DOCK2: variants seen among roughly 807,000 people sequenced by gnomAD.
DOCK2 encodes the protein dedicator of cytokinesis protein 2.
Under a neutral mutation model 248.9 loss-of-function variants are expected in DOCK2, and 87 were observed. The ratio of observed to expected loss-of-function variants is 0.35; its 90% CI spans 0.29 to 0.42. The LOEUF is 0.42. Ranked by LOEUF, DOCK2 falls within the 10% of genes least tolerant of loss-of-function variation. DOCK2 has a pLI of 1.00. For missense variants in DOCK2, 1,747 were observed against 2,300.2 expected (o/e 0.76, Z 4.92); for synonymous variants, 805 against 821.6 (o/e 0.98, Z 0.35).
chr5:169,793,665 G>A (rs974610845), intron 25 of DOCK2, among the ~76,000 whole-genome samples: 1 of 152,084 alleles, frequency 6.6e-6, no homozygotes, highest in Non-Finnish European at 1.5e-5. Context: ...AATGAAAAGT[G>A]TTTATCACTA....
chr5:169,747,409 A>G lies in DOCK2; in HGVS notation c.2281A>G (p.Lys761Glu). 2 of 1,612,990 alleles carry G rather than the reference A, an allele frequency of 1.2e-6. No individual in the cohort carries two copies. Among genetic ancestry groups the G allele is most frequent in the Non-Finnish European group, 8.5e-7 (1 of 1,179,558 alleles). The stretch of plus-strand genomic sequence containing the variant: ...ATCTTGTTTCAGGCTTTATGAAGGC[A>G]AAGAACAGATGGAGTTTGAAGAATC... ...RTLFSQLYEG[K>E]EQMEFEESMR... The change falls in exon 23 of 52, where the codon AAA becomes GAA. Residue 761 changes from lysine (K) to glutamate (E), a missense_variant. Around this residue, in one of 4 missense-constraint regions of DOCK2, gnomAD observed 858 missense variants for 1,183.5 expected, o/e 0.72. Transcript: ENST00000520908.
At chr5:170,054,662 A>G (rs1757050876) in intron 41 of DOCK2, among the ~76,000 whole-genome samples, 2 of 152,228 alleles carry the variant, frequency 1.3e-5, no homozygotes, top group African/African-American at 4.8e-5. Context: ...AAATTTTAGC[A>G]TGCATATGTT....
At chr5:169,859,762 C>T (rs543587871) in intron 27 of DOCK2, among the ~76,000 whole-genome samples, 23 of 152,278 alleles carry the variant, frequency 1.5e-4, no homozygotes, top group African/African-American at 5.5e-4. Flanking sequence ...ATTTAGCCTT[C>T]CTTAATTGAC....
At chr5:169,793,038 G>A (rs559909108) in intron 25 of DOCK2, among the ~76,000 whole-genome samples, 12 of 152,294 alleles carry the variant, frequency 7.9e-5, no homozygotes, top group South Asian at 4.1e-4. Flanking sequence ...TTCAGAAGGC[G>A]TGATGATAGG....
At chr5:169,850,720 C>A (rs1298007458) in intron 27 of DOCK2, among the ~76,000 whole-genome samples, 1 of 152,118 alleles carries the variant, frequency 6.6e-6, no homozygotes, top group Middle Eastern at 3.2e-3. Flanking sequence ...TCAGGGCATA[C>A]TAGGCCTAAA....
intron 1 of DOCK2, among the ~76,000 whole-genome samples, chr5:169,641,679 T>C (rs1289806358): frequency 6.6e-6 from 1 of 152,156 alleles, no homozygotes; most frequent in African/African-American, 2.4e-5. Flanking sequence ...GCCTCTCCTC[T>C]CATGGCTTCT....
At chr5:169,913,191 G>A (rs1354656703) in intron 27 of DOCK2, among the ~76,000 whole-genome samples, 1 of 152,162 alleles carries the variant, frequency 6.6e-6, no homozygotes, top group Non-Finnish European at 1.5e-5. Context: ...TAGCGGAGTC[G>A]GAATGTGCTA....
intron 27 of DOCK2, among the ~76,000 whole-genome samples, chr5:169,949,391 G>T (rs1440510125): frequency 6.6e-6 from 1 of 152,140 alleles, no homozygotes; most frequent in Non-Finnish European, 1.5e-5. Context: ...ATGTTCCTGG[G>T]GCTGCCTGAA....
chr5:169,836,794 G>A (rs1360555707), intron 26 of DOCK2, among the ~76,000 whole-genome samples: 1 of 151,744 alleles, frequency 6.6e-6, no homozygotes, highest in African/African-American at 2.4e-5. Context: ...TCACCAAAAC[G>A]AGATTTCTCT....
rs58506041 is a variant in DOCK2, at chr5:169,687,521, G to A, written c.762-1731G>A. Among the ~76,000 whole-genome samples the A allele has an allele frequency of 2.2e-3, 329 of 148,596 alleles. 3 individuals are homozygous for A. Among genetic ancestry groups the A allele is most frequent in the East Asian group, 0.021 (108 of 5,136 alleles). ...AGTCCCTTTAATTTTGCTGAATCCC[G>A]TTATGCCTTCTTAGGCTAACTTGAT... On this transcript the variant is annotated intron_variant, in intron 8 of 51. Coordinates refer to ENST00000520908, the MANE Select transcript of DOCK2 (RefSeq NM_004946.3).
chr5:170,025,388 T>C (rs892569481), intron 33 of DOCK2, among the ~76,000 whole-genome samples: 2 of 152,244 alleles, frequency 1.3e-5, no homozygotes, highest in Non-Finnish European at 2.9e-5. Flanking sequence ...ACAGAGACCA[T>C]CTGGCCTCCA....
chr5:169,672,964 C>A (rs2113301028), intron 5 of DOCK2, among the ~76,000 whole-genome samples: 1 of 152,338 alleles, frequency 6.6e-6, no homozygotes, highest in East Asian at 1.9e-4. Context: ...CGGCACACCA[C>A]CCTCCCAGCA....
intron 22 of DOCK2, among the ~76,000 whole-genome samples, chr5:169,745,458 C>T (rs60205217): frequency 0.018 from 2,782 of 152,292 alleles, 86 homozygotes; most frequent in African/African-American, 0.064. Flanking sequence ...TCGCAATCCT[C>T]TGACACAGTA....
chr5:170,050,808 C>T (rs1756887016), intron 41 of DOCK2, among the ~76,000 whole-genome samples: 1 of 152,134 alleles, frequency 6.6e-6, no homozygotes, highest in Non-Finnish European at 1.5e-5. Context: ...TATCTCAATA[C>T]ATTGTAAATG....
At chr5:169,783,633 C>T (rs1765827149) in intron 25 of DOCK2, among the ~76,000 whole-genome samples, 1 of 151,836 alleles carries the variant, frequency 6.6e-6, no homozygotes, top group Non-Finnish European at 1.5e-5. Context: ...CACTGTAGAG[C>T]ATTAAAAATA....
chr5:169,805,847 G>A (rs747936830), intron 26 of DOCK2, among the ~76,000 whole-genome samples: 3 of 152,214 alleles, frequency 2.0e-5, no homozygotes, highest in African/African-American at 7.2e-5. Flanking sequence ...TGGGAGGTGC[G>A]TGTCACTCTT....
intron 27 of DOCK2, among the ~76,000 whole-genome samples, chr5:169,918,377 CAT>C (rs1004260895): frequency 2.6e-5 from 4 of 152,164 alleles, no homozygotes; most frequent in Admixed American, 6.5e-5. Flanking sequence ...TACTCACACA[CAT>C]GTACAAGGAG....
chr5:169,712,332 A>G (rs1033097119), intron 17 of DOCK2, 109 bp downstream of exon 17: 23 of 887,550 alleles, frequency 2.6e-5, no homozygotes, highest in Non-Finnish European at 3.9e-5. Flanking sequence ...CACACACACC[A>G]GAGTTTACCA....
At chr5:170,026,772 A>G (rs1317465572) in intron 33 of DOCK2, among the ~76,000 whole-genome samples, 1 of 152,250 alleles carries the variant, frequency 6.6e-6, no homozygotes, top group Non-Finnish European at 1.5e-5. Context: ...CTTCAATGCA[A>G]CAAGATTTGG....
Sources: allele counts gnomAD v4.1 joint callset (sites outside exome capture counted in the v4.1 genomes callset), GRCh38; gene constraint gnomAD v4.1.1; regional missense constraint gnomAD v4.1.1; transcripts MANE v1.5; gene names NCBI Gene and HGNC (gene_info 2026-07-23, HGNC 2026-07-21).